The following NUDT3 variants were observed in gnomAD, a reference collection of about 807,000 sequenced individuals.
NUDT3 encodes nudix hydrolase 3.
In NUDT3, 9 loss-of-function variants were observed where a neutral mutation model predicts 23.6. That is an observed-to-expected ratio of 0.38 (90% CI 0.23 to 0.66). The LOEUF is 0.66. Ranked by LOEUF, NUDT3 falls within the 30% of genes least tolerant of loss-of-function variation. The pLI, the probability that NUDT3 is intolerant of heterozygous loss-of-function variation, is 0.52. For synonymous variants in NUDT3, 86 were observed against 82.6 expected (o/e 1.04, Z -0.22); for missense variants, 172 against 218.5 (o/e 0.79, Z 1.34).
intron 1 of NUDT3, among the ~76,000 whole-genome samples, chr6:34,366,624 C>A (rs1764739446): frequency 6.6e-6 from 1 of 151,982 alleles, no homozygotes. Flanking sequence ...GTGGCATGAT[C>A]ATAGCTCACT....
intron 2 of NUDT3, among the ~76,000 whole-genome samples, chr6:34,334,240 A>G (rs967163811): frequency 8.5e-5 from 13 of 152,236 alleles, no homozygotes; most frequent in Non-Finnish European, 1.6e-4. Flanking sequence ...AAAAGGGCAC[A>G]TTGCAGTTGC....
chr6:34,352,556 G>C (rs1278321247), intron 1 of NUDT3, among the ~76,000 whole-genome samples: 2 of 152,142 alleles, frequency 1.3e-5, no homozygotes, highest in Non-Finnish European at 1.5e-5. Context: ...TAGAACTACA[G>C]GAATACACTG....
chr6:34,321,457 A>AAAT (rs1396165352), intron 2 of NUDT3, among the ~76,000 whole-genome samples: 1 of 151,938 alleles, frequency 6.6e-6, no homozygotes, highest in Non-Finnish European at 1.5e-5. Flanking sequence ...AATAATAATA[A>AAAT]AATAATAATA....
At chr6:34,369,767 CACAA>C (rs1203141034) in intron 1 of NUDT3, among the ~76,000 whole-genome samples, 1 of 151,750 alleles carries the variant, frequency 6.6e-6, no homozygotes, top group Non-Finnish European at 1.5e-5. Flanking sequence ...CTGAATAAAC[CACAA>C]ACAGAGCAGA....
chr6:34,321,812 C>A (rs901414517), intron 2 of NUDT3, among the ~76,000 whole-genome samples: 1 of 152,170 alleles, frequency 6.6e-6, no homozygotes, highest in East Asian at 1.9e-4. Flanking sequence ...TATCCTAAAT[C>A]TAATCAAGCC....
chr6:34,374,533 G>C (rs1764890193), intron 1 of NUDT3, among the ~76,000 whole-genome samples: 1 of 151,938 alleles, frequency 6.6e-6, no homozygotes, highest in South Asian at 2.1e-4. Context: ...ATCAGCATCT[G>C]ATTTTTTTTT....
At chr6:34,355,257 G>A (rs1255697354) in intron 1 of NUDT3, among the ~76,000 whole-genome samples, 2 of 152,100 alleles carry the variant, frequency 1.3e-5, no homozygotes, top group African/African-American at 4.8e-5. Context: ...TTTGTCAAAT[G>A]CTTTTTCTGA....
At chr6:34,353,704 C>CTT (rs1764514717) in intron 1 of NUDT3, among the ~76,000 whole-genome samples, 1 of 151,714 alleles carries the variant, frequency 6.6e-6, no homozygotes. Flanking sequence ...CCCAGCCTTG[C>CTT]TTTTGTTTTT....
chr6:34,382,723 C>T (rs561739687), intron 1 of NUDT3, among the ~76,000 whole-genome samples: 92 of 151,870 alleles, frequency 6.1e-4, no homozygotes, highest in South Asian at 2.3e-3. Flanking sequence ...CTTAGCTACA[C>T]GGGAGGCTGA....
intron 2 of NUDT3, among the ~76,000 whole-genome samples, chr6:34,332,937 G>T (rs1006200390): frequency 6.6e-6 from 1 of 152,196 alleles, no homozygotes; most frequent in Non-Finnish European, 1.5e-5. Context: ...TGTCAGACAA[G>T]AGTTTTACCT....
At chr6:34,297,718 T>TA (rs200099331) in intron 2 of NUDT3, among the ~76,000 whole-genome samples, 1,378 of 78,642 alleles carry the variant, frequency 0.018, 42 homozygotes, top group Non-Finnish European at 0.025. Context: ...CCGGCTAATG[T>TA]AAAAAAAAAA....
chr6:34,299,946 G>C (rs1344373972), intron 2 of NUDT3, among the ~76,000 whole-genome samples: 1 of 151,274 alleles, frequency 6.6e-6, no homozygotes, highest in Non-Finnish European at 1.5e-5. Context: ...ACAGGGTTTC[G>C]CTGTGTCACC....
intron 1 of NUDT3, among the ~76,000 whole-genome samples, chr6:34,351,197 C>CAAAAAAAAAAAAAAAAAAA (rs1347212261): frequency 9.1e-5 from 1 of 10,966 alleles, no homozygotes; most frequent in Non-Finnish European, 1.7e-4. Flanking sequence ...ACTCCCCTGC[C>CAAAAAAAAAAAAAAAAAAA]TAAAAAAAAA....
Position 34,348,085 on chromosome 6 carries a change from G to GCT in NUDT3, c.100-6115_100-6114dup, listed in dbSNP as rs1764407092. Among the ~76,000 whole-genome samples the GCT allele has an allele frequency of 3.9e-5, 6 of 151,962 alleles. 1 individual carries two copies. In the South Asian group the frequency reaches 1.0e-3, roughly 26 times the overall value. On this transcript the variant is annotated intron_variant, in intron 1 of 4. Transcript: ENST00000607016. ...AGGCTGAGGCGGGCAGATCACTTGA[G>GCT]CTCAGGAGTTCAAGACCCCGTCTCT...
At chr6:34,342,097 A>C in intron 1 of NUDT3, 125 bp from the exon 2 acceptor site, 1 of 794,288 alleles carries the variant, frequency 1.3e-6, no homozygotes, top group East Asian at 2.8e-5. Flanking sequence ...GCCTTCCCAA[A>C]TCACTTCTTG....
At position 34,316,765 on chromosome 6, in the gene NUDT3, G is replaced by C. The variant is rs541029047; in HGVS notation, c.211-21080C>G. ...AGCAAGGGGGCTACCAGTATTGCTG[G>C]AGCACAGTGAGAAAGAGAGGGGAGT... On this transcript the variant is annotated intron_variant, in intron 2 of 4. Coordinates refer to ENST00000607016, the MANE Select transcript of NUDT3 (RefSeq NM_006703.4). 2.6e-5 allele frequency among the ~76,000 whole-genome samples: 4 copies of C among 152,296 alleles called. No homozygotes were observed. The South Asian group carries it at 6.2e-4, about 24-fold the overall frequency.
intron 1 of NUDT3, 101 bp from the exon 2 acceptor site, chr6:34,342,073 C>T (rs1331863083): frequency 1.1e-5 from 12 of 1,055,736 alleles, no homozygotes; most frequent in Non-Finnish European, 1.5e-5. Context: ...AACCAAGACC[C>T]ATTCTTTGTT....
intron 2 of NUDT3, among the ~76,000 whole-genome samples, chr6:34,296,576 AATAC>A (rs568380239): frequency 7.9e-5 from 12 of 152,098 alleles, no homozygotes; most frequent in African/African-American, 2.7e-4. Context: ...CCTGTCGGTA[AATAC>A]ATACATACAT....
intron 2 of NUDT3, among the ~76,000 whole-genome samples, chr6:34,341,210 G>C (rs1764283403): frequency 6.6e-6 from 1 of 152,008 alleles, no homozygotes; most frequent in Non-Finnish European, 1.5e-5. Context: ...CGTTTCTCTG[G>C]GTTTTCAATT....
Sources: allele counts gnomAD v4.1 joint callset (sites outside exome capture counted in the v4.1 genomes callset), GRCh38; gene constraint gnomAD v4.1.1; transcripts MANE v1.5; gene names NCBI Gene and HGNC (gene_info 2026-07-23, HGNC 2026-07-21).